The following UBASH3B variants were observed in gnomAD, a reference collection of about 807,000 sequenced individuals.
UBASH3B encodes the protein ubiquitin-associated and SH3 domain-containing protein B.
In UBASH3B, 37 loss-of-function variants were observed where a neutral mutation model predicts 83.4. The observed-to-expected ratio is 0.44, with a 90% CI of 0.34 to 0.58. The LOEUF (loss-of-function observed/expected upper bound fraction) is 0.58. Among genes scored for constraint, UBASH3B ranks in the 20% least tolerant of loss-of-function variants. The pLI is 0.01. For missense variants in UBASH3B, 657 were observed against 827.2 expected (o/e 0.79, Z 2.52); for synonymous variants, 304 against 318.3 (o/e 0.96, Z 0.48).
At chr11:122,765,732 T>C (rs1433598475) in intron 1 of UBASH3B, among the ~76,000 whole-genome samples, 1 of 152,198 alleles carries the variant, frequency 6.6e-6, no homozygotes, top group African/African-American at 2.4e-5. Context: ...CTAGCCCTTA[T>C]CTCCATATAA....
At chr11:122,771,390 G>A (rs561402757) in intron 1 of UBASH3B, among the ~76,000 whole-genome samples, 2 of 151,938 alleles carry the variant, frequency 1.3e-5, no homozygotes, top group East Asian at 1.9e-4. Context: ...CCACCACCAC[G>A]CCACCACGCC....
intron 1 of UBASH3B, among the ~76,000 whole-genome samples, chr11:122,716,939 T>C (rs945660779): frequency 2.6e-5 from 4 of 152,166 alleles, no homozygotes; most frequent in African/African-American, 9.7e-5. Flanking sequence ...AGGATGATTA[T>C]AGCCTCATCT....
At position 122,810,551 on chromosome 11, in the gene UBASH3B, G is replaced by C. The variant is rs1861428182; in HGVS notation, c.*665G>C. On this transcript the variant is annotated 3_prime_UTR_variant, in exon 14 of 14. Coordinates refer to ENST00000284273, the MANE Select transcript of UBASH3B (RefSeq NM_032873.5). The stretch of plus-strand genomic sequence containing the variant: ...TGCTACAGCCCTATCCCCCCTCCTT[G>C]CTTCTGTGAAATGGGGAGACAAAGC... The C allele has an allele frequency of 6.6e-6, 1 of 152,422 alleles. No homozygotes were observed. The highest frequency in any genetic ancestry group is 6.6e-5 in the Admixed American group (1 of 15,254). The allele number at this position is 152,422 out of a possible 1,614,324, so 9.4% of individuals were successfully genotyped here. A position where few individuals can be genotyped will look rare whatever the true frequency, so the allele number is the denominator to read the frequency against.
chr11:122,656,542 A>T (rs981533008), intron 1 of UBASH3B, among the ~76,000 whole-genome samples: 1 of 152,150 alleles, frequency 6.6e-6, no homozygotes, highest in Non-Finnish European at 1.5e-5. Flanking sequence ...GCGCTCCCCT[A>T]GGTCTCCAGC....
chr11:122,675,911 A>G (rs531576262), intron 1 of UBASH3B, among the ~76,000 whole-genome samples: 49 of 152,324 alleles, frequency 3.2e-4, no homozygotes, highest in African/African-American at 1.1e-3. Flanking sequence ...TGAACCTACT[A>G]TGTGTAATTT....
At chr11:122,690,214 T>TATATATATATA (rs1863873410) in intron 1 of UBASH3B, among the ~76,000 whole-genome samples, 1 of 52,672 alleles carries the variant, frequency 1.9e-5, no homozygotes, top group Non-Finnish European at 3.3e-5. Flanking sequence ...ATATATCCAA[T>TATATATATATA]TATATATATA....
intron 1 of UBASH3B, among the ~76,000 whole-genome samples, chr11:122,699,531 C>CTTTCTTTCTTTCTT (rs200613782): frequency 1.5e-3 from 161 of 107,926 alleles, no homozygotes; most frequent in East Asian, 0.013. Context: ...TTCTTTCTTT[C>CTTTCTTTCTTTCTT]TCTTTCTTTC....
rs1419267328 is a variant in UBASH3B at position 122,799,026 on chromosome 11, T to A, written c.1442T>A (p.Ile481Asn). The A allele has an allele frequency of 6.2e-7, 1 of 1,613,934 alleles. No homozygotes were observed. The highest frequency in any genetic ancestry group is 1.7e-5 in the Admixed American group (1 of 60,008). The change falls in exon 10 of 14, where the codon ATC (isoleucine) becomes AAC (asparagine). Residue 481 changes from isoleucine to asparagine, a missense_variant. Physicochemically the swap from Ile to Asn is moderately radical, Grantham distance 149. Transcript: ENST00000284273. ...SLRCVQTAHN[I>N]LKGLQQENHL... ...CGCTGCGTTCAGACTGCACACAATA[T>A]CTTGAAAGGTAAGACTTGCAGGTTG...
chr11:122,714,914 T>C (rs1366790603), intron 1 of UBASH3B, among the ~76,000 whole-genome samples: 1 of 152,212 alleles, frequency 6.6e-6, no homozygotes, highest in East Asian at 1.9e-4. Flanking sequence ...ATAGAGTTGT[T>C]CTGAAGACTA....
In UBASH3B at chr11:122,806,652, T is replaced by C; in HGVS notation, c.1702+136T>C. On this transcript the variant is annotated intron_variant, in intron 12 of 13. Transcript: ENST00000284273. The surrounding 1 kb of genome is among the most constrained non-coding windows in gnomAD (Gnocchi z 4.0). ...TTTCCAGATTTTCTTCCAGATACTT[T>C]TACATTAAATTTGTAATATTCTCTG... 1 of 1,255,800 alleles carries C rather than the reference T, an allele frequency of 8.0e-7. No individual in the cohort carries two copies. Among genetic ancestry groups the C allele is most frequent in the Non-Finnish European group, 1.0e-6 (1 of 966,362 alleles). 77.8% of individuals were successfully genotyped at this position (1,255,800 alleles called of 1,614,324 possible). A position where few individuals can be genotyped will look rare whatever the true frequency, so the allele number is the denominator to read the frequency against.
chr11:122,665,580 C>G (rs1307599609), intron 1 of UBASH3B, among the ~76,000 whole-genome samples: 1 of 152,118 alleles, frequency 6.6e-6, no homozygotes, highest in African/African-American at 2.4e-5. Context: ...CTTTTCTGTT[C>G]CTGTTTTTGT....
At chr11:122,735,301 A>G (rs1219767287) in intron 1 of UBASH3B, among the ~76,000 whole-genome samples, 1 of 152,244 alleles carries the variant, frequency 6.6e-6, no homozygotes, top group Non-Finnish European at 1.5e-5. Context: ...ATGGGCAATG[A>G]AATTTACAGT....
chr11:122,739,607 G>A (rs1376224817), intron 1 of UBASH3B, among the ~76,000 whole-genome samples: 1 of 152,186 alleles, frequency 6.6e-6, no homozygotes, highest in African/African-American at 2.4e-5. Flanking sequence ...ATTTTCAGGA[G>A]ACATAAATTT....
At chr11:122,777,288 G>A in intron 3 of UBASH3B, 78 bp downstream of exon 3, 5 of 1,465,622 alleles carry the variant, frequency 3.4e-6, no homozygotes, top group Non-Finnish European at 4.6e-6. Flanking sequence ...GGAGCAAAGG[G>A]AGGCCTCGCA....
At chr11:122,699,396 AC>A (rs1390013192) in intron 1 of UBASH3B, among the ~76,000 whole-genome samples, 1 of 152,102 alleles carries the variant, frequency 6.6e-6, no homozygotes, top group Non-Finnish European at 1.5e-5. Flanking sequence ...ATTTCCTGCA[AC>A]CTCTATGCTA....
intron 1 of UBASH3B, among the ~76,000 whole-genome samples, chr11:122,681,956 G>C (rs1863744917): frequency 6.6e-6 from 1 of 152,160 alleles, no homozygotes. Context: ...TGTGGCAGCA[G>C]CAAGGCTGAC....
chr11:122,733,007 CT>C (rs1470005980), intron 1 of UBASH3B, among the ~76,000 whole-genome samples: 1 of 152,158 alleles, frequency 6.6e-6, no homozygotes, highest in Non-Finnish European at 1.5e-5. Context: ...AAGCAGAAAG[CT>C]TTTGAAGGCC....
At position 122,796,911 on chromosome 11, in the gene UBASH3B, G is replaced by A. The variant is rs772534385; in HGVS notation, c.1235G>A (p.Gly412Asp). 1 of 1,614,058 alleles carries A rather than the reference G, an allele frequency of 6.2e-7. No individual in the cohort carries two copies. The highest frequency in any genetic ancestry group is 2.2e-5 in the East Asian group (1 of 44,868). Residue 412 changes from glycine to aspartate, a missense_variant and splice_region_variant, in exon 9 of 14, where the codon GGC becomes GAC. By Grantham distance (94) the Gly-to-Asp change is moderately conservative (BLOSUM62 -1). This residue lies in a region of UBASH3B where 573 missense variants were observed against 739.0 expected (regional missense o/e 0.78). Transcript: ENST00000284273. Reference sequence around the variant, plus strand: ...TCTGTCTAACCTCTTTGTTTTTCAGGCCGCTACATACGCACCAACCTGAAC... The same window carrying A: ...TCTGTCTAACCTCTTTGTTTTTCAGACCGCTACATACGCACCAACCTGAAC... The part of the protein sequence containing the change: ...YWLSQCFDAK[G>D]RYIRTNLNMP...
At chr11:122,793,107 G>A (rs770694988) in intron 6 of UBASH3B, among the ~76,000 whole-genome samples, 1 of 152,098 alleles carries the variant, frequency 6.6e-6, no homozygotes, top group Non-Finnish European at 1.5e-5. Context: ...TGGGCCAGGT[G>A]CAGTGGCTCA....
Sources: gnomAD v4.1 joint callset for allele counts (sites outside exome capture counted in the v4.1 genomes callset) on GRCh38, gnomAD v4.1.1 for gene constraint, gnomAD v4.1.1 regional missense constraint, Gnocchi (gnomAD v3.1) non-coding constraint, MANE v1.5 for transcripts, NCBI Gene and HGNC (gene_info 2026-07-23, HGNC 2026-07-21) for gene names.